The following NFIL3 variants were observed in gnomAD, a reference collection of about 807,000 sequenced individuals.
NFIL3 encodes the protein nuclear factor interleukin-3-regulated protein.
NFIL3 carries 5 observed loss-of-function variants against 10.0 expected under a neutral mutation model. That is an observed-to-expected ratio of 0.50 (90% confidence interval 0.26 to 1.06). The LOEUF (loss-of-function observed/expected upper bound fraction) is 1.06. Among genes scored for constraint, NFIL3 ranks in the 50% least tolerant of loss-of-function variants. NFIL3 has a pLI of 0.13. For missense variants in NFIL3, 436 were observed against 547.6 expected, an observed-to-expected ratio of 0.80 and a Z score of 2.03; for synonymous variants, 202 against 206.5, an observed-to-expected ratio of 0.98 and a Z score of 0.19.
the NFIL3 span, among the ~76,000 whole-genome samples, chr9:91,436,180 A>AAAG: frequency 2.0e-5 from 3 of 152,212 alleles, no homozygotes; most frequent in African/African-American, 7.2e-5. Context: ...CTGCTACCAG[A>AAAG]AAGAAAGCTC....
the NFIL3 span, among the ~76,000 whole-genome samples, chr9:91,430,072 T>G: frequency 6.6e-6 from 1 of 152,166 alleles, no homozygotes. Flanking sequence ...TGTTAGCTAT[T>G]ATTATTAACC....
chr9:91,439,343 T>G, the NFIL3 span, among the ~76,000 whole-genome samples: 1 of 152,184 alleles, frequency 6.6e-6, no homozygotes, highest in Non-Finnish European at 1.5e-5. Flanking sequence ...ACTACTGATT[T>G]TTGTATGTTG....
the NFIL3 span, among the ~76,000 whole-genome samples, chr9:91,440,937 G>A: frequency 1.3e-5 from 2 of 152,074 alleles, no homozygotes; most frequent in East Asian, 1.9e-4. Flanking sequence ...AGTGTATCCT[G>A]GAGAATATTC....
the NFIL3 span, among the ~76,000 whole-genome samples, chr9:91,456,319 G>A: frequency 3.9e-5 from 6 of 152,014 alleles, no homozygotes; most frequent in Non-Finnish European, 7.4e-5. Context: ...AGCTTTCCAG[G>A]GTGGTTATAC....
chr9:91,476,154 A>G, the NFIL3 span, among the ~76,000 whole-genome samples: 1 of 152,220 alleles, frequency 6.6e-6, no homozygotes, highest in Non-Finnish European at 1.5e-5. Context: ...CTCATTCTAC[A>G]AGACTAGGAC....
At chr9:91,460,268 G>GTTTTTT in the NFIL3 span, among the ~76,000 whole-genome samples, 1 of 77,094 alleles carries the variant, frequency 1.3e-5, no homozygotes, top group African/African-American at 1.3e-4. Flanking sequence ...GGAGGGCTTG[G>GTTTTTT]TTCTTTTTTT....
chr9:91,460,017 A>G, the NFIL3 span, among the ~76,000 whole-genome samples: 3 of 152,088 alleles, frequency 2.0e-5, no homozygotes, highest in African/African-American at 7.2e-5. Context: ...GGGGTTTTAT[A>G]CGTTCCTTTG....
At chr9:91,454,560 A>T in the NFIL3 span, among the ~76,000 whole-genome samples, 1 of 152,126 alleles carries the variant, frequency 6.6e-6, no homozygotes, top group Non-Finnish European at 1.5e-5. Context: ...AGCTGGGCAC[A>T]GTGGCTCATG....
the NFIL3 span, among the ~76,000 whole-genome samples, chr9:91,467,171 ATATAT>A: frequency 9.8e-4 from 149 of 151,890 alleles, 1 homozygote; most frequent in African/African-American, 3.3e-3. Context: ...TACACATATT[ATATAT>A]TATATTATAT....
At chr9:91,437,814 C>T in the NFIL3 span, among the ~76,000 whole-genome samples, 1 of 152,198 alleles carries the variant, frequency 6.6e-6, no homozygotes, top group African/African-American at 2.4e-5. Context: ...CAGGTTTCTG[C>T]ATGTTGTGAC....
chr9:91,433,608 C>A, the NFIL3 span, among the ~76,000 whole-genome samples: 2 of 152,206 alleles, frequency 1.3e-5, no homozygotes, highest in African/African-American at 4.8e-5. Flanking sequence ...AACTATAGCA[C>A]CCATTTGACC....
At chr9:91,468,451 G>A in the NFIL3 span, among the ~76,000 whole-genome samples, 5 of 152,136 alleles carry the variant, frequency 3.3e-5, no homozygotes, top group African/African-American at 1.2e-4. Context: ...TTTGTCCGAT[G>A]AGTAGATTGC....
At chr9:91,469,612 T>C in the NFIL3 span, among the ~76,000 whole-genome samples, 2 of 152,198 alleles carry the variant, frequency 1.3e-5, no homozygotes, top group East Asian at 3.8e-4. Context: ...TTGTGCCAGT[T>C]TTCAAAGGGA....
chr9:91,457,900 TG>T, the NFIL3 span, among the ~76,000 whole-genome samples: 7 of 152,108 alleles, frequency 4.6e-5, no homozygotes, highest in African/African-American at 1.7e-4. Context: ...TTTTGTGAAA[TG>T]TTTTTTTCTC....
At chr9:91,449,908 T>C in the NFIL3 span, among the ~76,000 whole-genome samples, 3 of 152,124 alleles carry the variant, frequency 2.0e-5, no homozygotes, top group Non-Finnish European at 4.4e-5. Flanking sequence ...TGAGATTTTC[T>C]GTTTATTTTT....
chr9:91,441,917 T>C, the NFIL3 span, among the ~76,000 whole-genome samples: 2 of 152,342 alleles, frequency 1.3e-5, no homozygotes, highest in Middle Eastern at 3.4e-3. Context: ...GAGATATGAA[T>C]GATTCACATA....
At chr9:91,420,352 T>TACAC (rs144270881) in intron 1 of NFIL3, among the ~76,000 whole-genome samples, 3,254 of 144,462 alleles carry the variant, frequency 0.023, 47 homozygotes, top group East Asian at 0.036. Flanking sequence ...TGAAGGTAAA[T>TACAC]ACACACACAC....
chr9:91,410,246 C>T lies in NFIL3; in HGVS notation c.489G>A (p.Val163=), dbSNP rs189394316. 2.3e-5 allele frequency: 37 copies of T among 1,614,114 alleles called. No homozygotes were observed. In the East Asian group the frequency reaches 6.7e-4, roughly 29 times the overall value. The change falls in exon 2 of 2, where the codon GTG becomes GTA. Residue 163 remains valine, a synonymous_variant. Coordinates refer to ENST00000297689, the MANE Select transcript of NFIL3 (RefSeq NM_005384.3). This position sits in a 1 kb window ranked among gnomAD's most constrained non-coding sequence, Gnocchi z 5.7. ...QTSKSNVSSF[V]DEHEPSMVSS... is the part of the protein sequence containing the mutation. ...ACACCATCGAGGGTTCGTGCTCGTC[C>T]ACAAATGAACTCACATTGGATTTGG...
At chr9:91,428,063 G>A (rs1833889029), upstream of NFIL3, among the ~76,000 whole-genome samples, 1 of 152,164 alleles carries the variant, frequency 6.6e-6, no homozygotes, top group Non-Finnish European at 1.5e-5. Context: ...TTGATGCAAT[G>A]AGTCATTGAC....
Sources: gnomAD v4.1 joint callset for allele counts (sites outside exome capture counted in the v4.1 genomes callset) on GRCh38, gnomAD v4.1.1 for gene constraint, Gnocchi (gnomAD v3.1) non-coding constraint, MANE v1.5 for transcripts, NCBI Gene and HGNC (gene_info 2026-07-23, HGNC 2026-07-21) for gene names.